The following NWD2 variants were observed in gnomAD, a reference collection of about 807,000 sequenced individuals.
NWD2 encodes the protein NACHT and WD repeat domain containing 2.
In NWD2, 37 loss-of-function variants were observed where a neutral mutation model predicts 132.7. That is an observed-to-expected ratio of 0.28 (90% confidence interval 0.21 to 0.37). The LOEUF is 0.37. NWD2 is among the 10% of genes least tolerant of loss of function. NWD2 has a pLI of 1.00. For missense variants in NWD2, 1,592 were observed against 2,122.4 expected, an observed-to-expected ratio of 0.75 and a Z score of 4.91; for synonymous variants, 705 against 803.0, an observed-to-expected ratio of 0.88 and a Z score of 2.06.
intron 2 of NWD2, among the ~76,000 whole-genome samples, chr4:37,335,153 C>T (rs746290847): frequency 5.6e-4 from 85 of 152,020 alleles, no homozygotes; most frequent in Non-Finnish European, 2.2e-4. Flanking sequence ...TTCTTTTTTA[C>T]CCCTGCCTAC....
chr4:37,302,948 T>A (rs1311649967), intron 1 of NWD2, among the ~76,000 whole-genome samples: 1 of 152,218 alleles, frequency 6.6e-6, no homozygotes, highest in African/African-American at 2.4e-5. Flanking sequence ...GTGAAGACAC[T>A]TTATAGTTTG....
chr4:37,280,134 A>T (rs936816599), intron 1 of NWD2, among the ~76,000 whole-genome samples: 1 of 152,124 alleles, frequency 6.6e-6, no homozygotes, highest in Non-Finnish European at 1.5e-5. Context: ...AGACTGTTTT[A>T]CCACAGGCGA....
At chr4:37,419,565 C>T (rs763117072) in intron 3 of NWD2, among the ~76,000 whole-genome samples, 6 of 152,072 alleles carry the variant, frequency 3.9e-5, no homozygotes, top group Non-Finnish European at 8.8e-5. Context: ...AAATAAACAA[C>T]CCCATCAAAA....
At chr4:37,264,625 C>G (rs912884784) in intron 1 of NWD2, among the ~76,000 whole-genome samples, 4 of 152,170 alleles carry the variant, frequency 2.6e-5, no homozygotes, top group Admixed American at 2.6e-4. Flanking sequence ...AATAAATGCT[C>G]TTAACATATA....
At chr4:37,359,573 G>C (rs1719939463) in intron 3 of NWD2, among the ~76,000 whole-genome samples, 1 of 151,288 alleles carries the variant, frequency 6.6e-6, no homozygotes, top group Non-Finnish European at 1.5e-5. Flanking sequence ...TGAAGTCTTT[G>C]GCAAGGAAAT....
At chr4:37,245,722 G>A (rs1014733676) in intron 1 of NWD2, among the ~76,000 whole-genome samples, 3 of 152,106 alleles carry the variant, frequency 2.0e-5, no homozygotes, top group Non-Finnish European at 4.4e-5. Context: ...GGTGCCCTTT[G>A]CAGAGGCCAA....
chr4:37,405,761 G>A (rs1299836625), intron 3 of NWD2, among the ~76,000 whole-genome samples: 1 of 152,174 alleles, frequency 6.6e-6, no homozygotes, highest in Non-Finnish European at 1.5e-5. Flanking sequence ...TTCACCCAGA[G>A]TGCTCTGACA....
At chr4:37,287,686 C>T (rs1718264144) in intron 1 of NWD2, among the ~76,000 whole-genome samples, 1 of 152,188 alleles carries the variant, frequency 6.6e-6, no homozygotes, top group African/African-American at 2.4e-5. Flanking sequence ...GCAGTCTTTG[C>T]AGTCAAGCAG....
intron 3 of NWD2, among the ~76,000 whole-genome samples, chr4:37,401,657 A>T (rs1720897434): frequency 6.6e-6 from 1 of 152,216 alleles, no homozygotes; most frequent in Non-Finnish European, 1.5e-5. Flanking sequence ...CTCCAAAAAG[A>T]ATTAGAAAAA....
chr4:37,387,580 C>T (rs1159889023), intron 3 of NWD2, among the ~76,000 whole-genome samples: 1 of 151,706 alleles, frequency 6.6e-6, no homozygotes, highest in Non-Finnish European at 1.5e-5. Context: ...TCACCCTCTA[C>T]TGTAGCCTCC....
intron 3 of NWD2, among the ~76,000 whole-genome samples, chr4:37,357,584 T>A (rs1719896471): frequency 6.6e-6 from 1 of 152,182 alleles, no homozygotes; most frequent in South Asian, 2.1e-4. Context: ...GGTTGACCCA[T>A]ACGAAATTGT....
chr4:37,274,603 C>T (rs190150599), intron 1 of NWD2, among the ~76,000 whole-genome samples: 12 of 152,098 alleles, frequency 7.9e-5, no homozygotes, highest in African/African-American at 2.9e-4. Context: ...CATCCTGATA[C>T]CAAAGCCTGG....
rs183271837 is a variant in NWD2 at position 37,304,323 on chromosome 4, G to T, written c.152-21613G>T. ...AATACTAGCAATTACAATTTGATAT[G>T]AGATTTGGGTGGAGACACAGAGCCA... On this transcript the variant is annotated intron_variant, in intron 1 of 6. Transcript: ENST00000309447. 1.9e-3 allele frequency among the ~76,000 whole-genome samples: 288 copies of T among 152,248 alleles called. 1 individual carries two copies. Among genetic ancestry groups the T allele is most frequent in the African/African-American group, 6.5e-3 (271 of 41,546 alleles).
At chr4:37,417,866 GCTTAA>G (rs1204344570) in intron 3 of NWD2, among the ~76,000 whole-genome samples, 3 of 152,078 alleles carry the variant, frequency 2.0e-5, no homozygotes, top group African/African-American at 7.2e-5. Context: ...GAGAACTCAT[GCTTAA>G]CTTAATATAG....
At chr4:37,264,778 T>TA (rs202089455) in intron 1 of NWD2, among the ~76,000 whole-genome samples, 3 of 148,150 alleles carry the variant, frequency 2.0e-5, no homozygotes, top group Non-Finnish European at 3.0e-5. Context: ...ATTTTAGTTG[T>TA]AAAAAAACAT....
intron 2 of NWD2, among the ~76,000 whole-genome samples, chr4:37,334,935 C>G (rs1719368912): frequency 1.3e-5 from 2 of 152,132 alleles, no homozygotes; most frequent in South Asian, 4.1e-4. Context: ...TTGTTCGTAT[C>G]TGTATTACCG....
At chr4:37,381,369 G>A (rs1720450059) in intron 3 of NWD2, among the ~76,000 whole-genome samples, 1 of 152,162 alleles carries the variant, frequency 6.6e-6, no homozygotes, top group African/African-American at 2.4e-5. Flanking sequence ...ACCTGGAGTG[G>A]GATATCGAAT....
At chr4:37,307,177 T>C (rs1251344084) in intron 1 of NWD2, among the ~76,000 whole-genome samples, 2 of 152,216 alleles carry the variant, frequency 1.3e-5, no homozygotes, top group African/African-American at 4.8e-5. Flanking sequence ...TTTTCTGTAG[T>C]GATAAAGTTT....
At chr4:37,390,409 AT>A (rs67944628) in intron 3 of NWD2, among the ~76,000 whole-genome samples, 36 of 150,084 alleles carry the variant, frequency 2.4e-4, no homozygotes, top group East Asian at 1.6e-3. Flanking sequence ...ATAATCTGAA[AT>A]TTTTTTTTTT....
Sources: allele counts gnomAD v4.1 joint callset (sites outside exome capture counted in the v4.1 genomes callset), GRCh38; gene constraint gnomAD v4.1.1; transcripts MANE v1.5; gene names NCBI Gene and HGNC (gene_info 2026-07-23, HGNC 2026-07-21).